ZC3H3: variants seen among roughly 807,000 people sequenced by gnomAD.
The protein encoded by ZC3H3 is zinc finger CCCH domain-containing protein 3.
ZC3H3 carries 36 observed loss-of-function variants against 77.3 expected under a neutral mutation model. The observed-to-expected ratio is 0.47, with a 90% CI of 0.36 to 0.61. The LOEUF is 0.61. Among genes scored for constraint, ZC3H3 ranks in the 20% least tolerant of loss-of-function variants. ZC3H3 has a pLI of 0.00. For synonymous variants in ZC3H3, 626 were observed against 555.2 expected, an observed-to-expected ratio of 1.13 and a Z score of -1.79; for missense variants, 1,331 against 1,312.2, an observed-to-expected ratio of 1.01 and a Z score of -0.22.
At chr8:143,471,871 G>A (rs749014873) in intron 5 of ZC3H3, among the ~76,000 whole-genome samples, 1 of 152,236 alleles carries the variant, frequency 6.6e-6, no homozygotes, top group Non-Finnish European at 1.5e-5. Context: ...GCTGGTCAGC[G>A]GTATCCCACA....
intron 8 of ZC3H3, among the ~76,000 whole-genome samples, chr8:143,467,131 C>T (rs538988386): frequency 2.0e-5 from 3 of 152,042 alleles, no homozygotes; most frequent in South Asian, 2.1e-4. Flanking sequence ...TTGGGGCTGG[C>T]GGTGGTGGGC....
intron 3 of ZC3H3, among the ~76,000 whole-genome samples, chr8:143,521,755 C>G (rs1161352920): frequency 6.6e-6 from 1 of 152,176 alleles, no homozygotes; most frequent in African/African-American, 2.4e-5. Flanking sequence ...GAGTCTGGGG[C>G]CCCCAGAAGG....
intron 3 of ZC3H3, among the ~76,000 whole-genome samples, chr8:143,517,793 C>A (rs780233701): frequency 2.6e-5 from 4 of 152,214 alleles, no homozygotes; most frequent in Admixed American, 1.3e-4. Flanking sequence ...TTTGACCCCC[C>A]GCTCCTGCCT....
At position 143,527,701 on chromosome 8, in the gene ZC3H3, T is replaced by C. The variant is rs141129953; in HGVS notation, c.1561+8556A>G. Among the ~76,000 whole-genome samples, 874 of 152,218 alleles carry C rather than the reference T, an allele frequency of 5.7e-3. 14 individuals are homozygous for C. Among genetic ancestry groups the C allele is most frequent in the Admixed American group, 0.026 (400 of 15,302 alleles). On this transcript the variant is annotated intron_variant, in intron 3 of 11. Coordinates refer to ENST00000262577, the MANE Select transcript of ZC3H3 (RefSeq NM_015117.3). Reference sequence around the variant, plus strand: ...TTTCACGGGGTTCACCGCAGTAAAATTGAACAGCCCAGCTGCACACAGCAA... The same window carrying C: ...TTTCACGGGGTTCACCGCAGTAAAACTGAACAGCCCAGCTGCACACAGCAA...
intron 1 of ZC3H3, among the ~76,000 whole-genome samples, chr8:143,541,093 G>T (rs1822997583): frequency 6.6e-6 from 1 of 152,208 alleles, no homozygotes; most frequent in Admixed American, 6.5e-5. Flanking sequence ...GCCCGCGGTG[G>T]TGGGGAGGGC....
intron 5 of ZC3H3, among the ~76,000 whole-genome samples, chr8:143,469,991 C>T (rs182833430): frequency 1.6e-4 from 24 of 152,350 alleles, no homozygotes; most frequent in African/African-American, 5.8e-4. Flanking sequence ...AGCCGCCCAG[C>T]CCCAAATAGC....
At position 143,538,086 on chromosome 8, in the gene ZC3H3, C is replaced by T; in HGVS notation, c.1281G>A (p.Leu427=). The change falls in exon 2 of 12, where the codon TTG becomes TTA. Residue 427 remains leucine, a synonymous_variant. Coordinates refer to ENST00000262577, the MANE Select transcript of ZC3H3 (RefSeq NM_015117.3). ...GCGGGGTCTCCCCAGAGAGGGGCTT[C>T]AAGCCACTGTGTCCTACTGCTGGTC... The part of the protein sequence containing the change: ...GDRPAVGHSG[L]KPLSGETPLS... 6.2e-7 allele frequency: 1 copy of T among 1,612,940 alleles called. No individual in the cohort carries two copies. The highest frequency in any genetic ancestry group is 2.2e-5 in the East Asian group (1 of 44,880).
chr8:143,523,998 A>C (rs1822333468), intron 3 of ZC3H3, among the ~76,000 whole-genome samples: 1 of 152,232 alleles, frequency 6.6e-6, no homozygotes, highest in East Asian at 1.9e-4. Context: ...TCTCCCAGAC[A>C]CAGCTAGCCA....
chr8:143,475,544 C>T lies in ZC3H3; in HGVS notation c.1757G>A (p.Gly586Asp). The T allele has an allele frequency of 6.2e-7, 1 of 1,609,616 alleles. No individual in the cohort carries two copies. The highest frequency in any genetic ancestry group is 1.3e-5 in the African/African-American group (1 of 75,030). The change falls in exon 5 of 12, where the codon GGT (glycine) becomes GAT (aspartate). Residue 586 changes from glycine to aspartate, a missense_variant. Gly to Asp is a moderately conservative substitution (Grantham distance 94). Coordinates refer to ENST00000262577, the MANE Select transcript of ZC3H3 (RefSeq NM_015117.3). The part of the protein sequence containing the change: ...LNRLRPVASG[G>D]GKAQPGSPWW... Reference sequence around the variant, plus strand: ...AGGGGAGCCCGGTTGGGCTTTCCCACCCCCGCTGGCAACTGGACGCAGGCG... The same window carrying T: ...AGGGGAGCCCGGTTGGGCTTTCCCATCCCCGCTGGCAACTGGACGCAGGCG...
intron 11 of ZC3H3, among the ~76,000 whole-genome samples, chr8:143,438,581 G>T (rs1235279574): frequency 6.6e-6 from 1 of 152,148 alleles, no homozygotes; most frequent in African/African-American, 2.4e-5. Flanking sequence ...CCCAGGGTGA[G>T]GCGGGCAGGG....
intron 3 of ZC3H3, among the ~76,000 whole-genome samples, chr8:143,522,556 CTG>C (rs1370413740): frequency 6.6e-6 from 1 of 151,942 alleles, no homozygotes; most frequent in African/African-American, 2.4e-5. Context: ...TGAGCCAAGA[CTG>C]TGCCGCTGCA....
intron 3 of ZC3H3, among the ~76,000 whole-genome samples, chr8:143,522,144 C>G (rs1344562670): frequency 1.3e-5 from 2 of 152,208 alleles, no homozygotes; most frequent in Non-Finnish European, 2.9e-5. Context: ...CACCCCGAAA[C>G]AGAACTGATG....
At chr8:143,442,505 G>A (rs927845879) in intron 9 of ZC3H3, among the ~76,000 whole-genome samples, 10 of 149,834 alleles carry the variant, frequency 6.7e-5, no homozygotes, top group South Asian at 4.3e-4. Context: ...GGCATCCCAC[G>A]CGGTACTGGG....
rs1821270441 is a variant in ZC3H3 at position 143,493,791 on chromosome 8, C to G, written c.1715+13955G>C. ...TTCCTTAATGAGCAGCCGAAGGGAT[C>G]GGTAAGCATAATTTCAGAGGCCAGT... On this transcript the variant is annotated intron_variant, in intron 4 of 11. Coordinates refer to ENST00000262577, the MANE Select transcript of ZC3H3 (RefSeq NM_015117.3). The surrounding 1 kb of genome is among the most constrained non-coding windows in gnomAD (Gnocchi z 4.8). 6.6e-6 allele frequency among the ~76,000 whole-genome samples: 1 copy of G among 152,130 alleles called. No homozygotes were observed. Among genetic ancestry groups the G allele is most frequent in the African/African-American group, 2.4e-5 (1 of 41,422 alleles).
At chr8:143,522,210 G>A (rs1314375373) in intron 3 of ZC3H3, among the ~76,000 whole-genome samples, 5 of 152,190 alleles carry the variant, frequency 3.3e-5, no homozygotes, top group African/African-American at 1.2e-4. Flanking sequence ...CTCCTCACAG[G>A]CCTTTACATG....
intron 9 of ZC3H3, 147 bp downstream of exon 9, chr8:143,465,570 G>T: frequency 2.3e-6 from 3 of 1,277,500 alleles, no homozygotes; most frequent in East Asian, 2.3e-5. Flanking sequence ...GGACCTCTCT[G>T]AGTCACCTGT....
intron 9 of ZC3H3, among the ~76,000 whole-genome samples, chr8:143,449,551 G>A (rs1429048898): frequency 2.6e-5 from 4 of 152,128 alleles, no homozygotes; most frequent in African/African-American, 9.7e-5. Context: ...GTGAAACTAT[G>A]TTTCCACTAA....
At chr8:143,521,230 G>A (rs1401314593) in intron 3 of ZC3H3, among the ~76,000 whole-genome samples, 8 of 152,232 alleles carry the variant, frequency 5.3e-5, no homozygotes, top group South Asian at 2.1e-4. Flanking sequence ...GCAGAGGCGC[G>A]GGTGGGGGCA....
At chr8:143,529,596 A>C (rs1259076226) in intron 3 of ZC3H3, among the ~76,000 whole-genome samples, 2 of 152,168 alleles carry the variant, frequency 1.3e-5, no homozygotes. Context: ...GTCGCACCAC[A>C]GTCGGGGGGA....
Sources: allele counts gnomAD v4.1 joint callset (sites outside exome capture counted in the v4.1 genomes callset), GRCh38; gene constraint gnomAD v4.1.1; non-coding constraint Gnocchi (gnomAD v3.1); transcripts MANE v1.5; gene names NCBI Gene and HGNC (gene_info 2026-07-23, HGNC 2026-07-21).